The following TMPO variants were observed in gnomAD, a reference collection of about 807,000 sequenced individuals.
TMPO encodes thymopoietin, also known as LEM domain containing 4.
A neutral mutation model predicts 45.4 loss-of-function variants in TMPO; 22 were observed. The ratio of observed to expected loss-of-function variants is 0.48; its 90% CI spans 0.35 to 0.69. TMPO has a LOEUF of 0.69. TMPO is among the 30% of genes least tolerant of loss of function. The probability of loss-of-function intolerance (pLI) is 0.01; values close to 1 mark genes in which losing one functional copy is unlikely to be tolerated. For synonymous variants in TMPO, 241 were observed against 204.1 expected, an observed-to-expected ratio of 1.18 and a Z score of -1.54; for missense variants, 512 against 548.8, an observed-to-expected ratio of 0.93 and a Z score of 0.67.
At chr12:98,520,310 T>TTCCTTCCTTCCTTCCTTCC (rs755914522) in intron 1 of TMPO, among the ~76,000 whole-genome samples, 2,228 of 99,532 alleles carry the variant, frequency 0.022, 62 homozygotes, top group Middle Eastern at 0.058. Flanking sequence ...TCCTTCCTTC[T>TTCCTTCCTTCCTTCCTTCC]GTGTGTGTGA....
intron 3 of TMPO, chr12:98,533,081 ATTTG>A: frequency 1.9e-6 from 3 of 1,613,918 alleles, no homozygotes; most frequent in Non-Finnish European, 2.5e-6. Context: ...TCTGAAAGGA[ATTTG>A]TTTATTTCAT....
chr12:98,526,864 A>G (rs1876798657), intron 1 of TMPO, among the ~76,000 whole-genome samples: 1 of 152,116 alleles, frequency 6.6e-6, no homozygotes, highest in African/African-American at 2.4e-5. Context: ...AGGCTGAGGC[A>G]GGAGAATCGC....
At position 98,515,889 on chromosome 12, in the gene TMPO, C is replaced by G; in HGVS notation, c.22C>G (p.Pro8Ala). The change falls in exon 1 of 9, where the codon CCC becomes GCC. Residue 8 changes from proline to alanine, a missense_variant. Coordinates refer to ENST00000556029, the MANE Select transcript of TMPO (RefSeq NM_001032283.3). ...CGAGATGCCGGAGTTCCTGGAAGAC[C>G]CCTCGGTCCTGACAAAAGACAAGTT... MPEFLED[P>A]SVLTKDKLKS... is the part of the protein sequence containing the mutation. 1 of 1,613,640 alleles carries G rather than the reference C, an allele frequency of 6.2e-7. No individual in the cohort carries two copies. The highest frequency in any genetic ancestry group is 8.5e-7 in the Non-Finnish European group (1 of 1,179,752).
At chr12:98,541,722 T>C (rs1322717215) in intron 4 of TMPO, among the ~76,000 whole-genome samples, 1 of 152,222 alleles carries the variant, frequency 6.6e-6, no homozygotes, top group African/African-American at 2.4e-5. Flanking sequence ...GAGAGTATAA[T>C]GTAGTTTTAT....
chr12:98,542,390 T>C (rs1348950973), intron 4 of TMPO, among the ~76,000 whole-genome samples: 1 of 152,034 alleles, frequency 6.6e-6, no homozygotes, highest in Non-Finnish European at 1.5e-5. Flanking sequence ...CTTTAGAAAT[T>C]ATCTATTCCC....
At chr12:98,518,586 A>G (rs917086772) in intron 1 of TMPO, among the ~76,000 whole-genome samples, 6 of 141,538 alleles carry the variant, frequency 4.2e-5, no homozygotes, top group East Asian at 4.1e-4. Flanking sequence ...TATTTTGAGG[A>G]TGATTTCTTT....
chr12:98,528,299 C>T (rs1317613138), intron 2 of TMPO, among the ~76,000 whole-genome samples: 3 of 144,176 alleles, frequency 2.1e-5, no homozygotes, highest in African/African-American at 5.2e-5. Context: ...TTTTTTGAGA[C>T]GGAGTCTTGC....
Position 98,516,041 on chromosome 12 carries a change from C to T in TMPO, c.174C>T (p.Asn58=). The T allele has an allele frequency of 5.0e-6, 8 of 1,611,542 alleles. No individual in the cohort carries two copies. Among genetic ancestry groups the T allele is most frequent in the Non-Finnish European group, 6.8e-6 (8 of 1,179,566 alleles). ...GGCCGCCGCTCCCCGCCGGCACCAA[C>T]AGCAAGGGGCCCCCGGACTTCTCCA... is the stretch of plus-strand genomic sequence containing the variant. The part of the protein sequence containing the change: ...RNRPPLPAGT[N]SKGPPDFSSD... The change falls in exon 1 of 9, where the codon AAC becomes AAT. Residue 58 remains asparagine, a synonymous_variant. Transcript: ENST00000556029.
chr12:98,526,498 G>C (rs12366275), intron 1 of TMPO, among the ~76,000 whole-genome samples: 33,022 of 152,120 alleles, frequency 0.22, 4,640 homozygotes, highest in Non-Finnish European at 0.31. Context: ...TTGTTATACT[G>C]TATTTTTGTT....
At chr12:98,531,600 A>G in intron 2 of TMPO, 80 bp from the exon 3 acceptor site, 3 of 1,429,402 alleles carry the variant, frequency 2.1e-6, no homozygotes, top group Non-Finnish European at 2.9e-6. Flanking sequence ...AAATAGCTTA[A>G]AATGTTGCTG....
intron 1 of TMPO, among the ~76,000 whole-genome samples, chr12:98,523,842 A>G (rs1876562614): frequency 6.6e-6 from 1 of 151,868 alleles, no homozygotes; most frequent in Admixed American, 6.6e-5. Context: ...CACCTGGCTA[A>G]TTTTTGTATT....
chr12:98,545,581 A>C (rs1159981708), intron 7 of TMPO, among the ~76,000 whole-genome samples: 1 of 152,220 alleles, frequency 6.6e-6, no homozygotes, highest in African/African-American at 2.4e-5. Context: ...AAAGGTAAAC[A>C]GTAAAACAAG....
At chr12:98,540,979 C>T (rs1877882385) in intron 4 of TMPO, among the ~76,000 whole-genome samples, 1 of 152,032 alleles carries the variant, frequency 6.6e-6, no homozygotes, top group South Asian at 2.1e-4. Flanking sequence ...ATGATTATTG[C>T]CTAGGTCTAT....
At chr12:98,534,908 A>G (rs1877478538) in intron 3 of TMPO, 1 of 972,322 alleles carries the variant, frequency 1.0e-6, no homozygotes, top group Non-Finnish European at 1.2e-6. Flanking sequence ...CAGTCTACAA[A>G]CTGTTACTTA....
At chr12:98,524,829 A>G (rs544770450) in intron 1 of TMPO, among the ~76,000 whole-genome samples, 1 of 152,218 alleles carries the variant, frequency 6.6e-6, no homozygotes, top group Admixed American at 6.5e-5. Context: ...CCTGACTTCA[A>G]GTGATCCACC....
intron 1 of TMPO, among the ~76,000 whole-genome samples, chr12:98,520,015 A>G (rs1876212824): frequency 6.6e-6 from 1 of 151,270 alleles, no homozygotes; most frequent in African/African-American, 2.4e-5. Context: ...CCTAGAGTGC[A>G]GTGGCGTGAT....
At chr12:98,528,882 T>A (rs1876979378) in intron 2 of TMPO, among the ~76,000 whole-genome samples, 1 of 151,778 alleles carries the variant, frequency 6.6e-6, no homozygotes, top group Admixed American at 6.6e-5. Flanking sequence ...TTGCTTGAGA[T>A]GGTGGGGGGA....
At chr12:98,538,175 G>T (rs1877687637) in intron 4 of TMPO, among the ~76,000 whole-genome samples, 1 of 152,192 alleles carries the variant, frequency 6.6e-6, no homozygotes, top group African/African-American at 2.4e-5. Flanking sequence ...ATTGTTTACA[G>T]AGAACAAATT....
chr12:98,533,544 C>T (rs1295123328), intron 3 of TMPO: 1 of 1,614,138 alleles, frequency 6.2e-7, no homozygotes. Flanking sequence ...CAAGAAAAGT[C>T]CCTAGACTGA....
Sources: gnomAD v4.1 joint callset for allele counts (sites outside exome capture counted in the v4.1 genomes callset) on GRCh38, gnomAD v4.1.1 for gene constraint, MANE v1.5 for transcripts, NCBI Gene and HGNC (gene_info 2026-07-23, HGNC 2026-07-21) for gene names.